The following PDZD8 variants were observed in gnomAD, a reference collection of about 807,000 sequenced individuals.
PDZD8 encodes PDZ domain containing 8.
In PDZD8, 14 loss-of-function variants were observed where a neutral mutation model predicts 85.8. The observed-to-expected ratio is 0.16, with a 90% CI of 0.11 to 0.26. PDZD8 has a LOEUF of 0.26. Among genes scored for constraint, PDZD8 ranks in the 10% least tolerant of loss-of-function variants. The pLI is 1.00. For missense variants in PDZD8, 1,197 were observed against 1,424.3 expected, an observed-to-expected ratio of 0.84 and a Z score of 2.57; for synonymous variants, 592 against 568.6, an observed-to-expected ratio of 1.04 and a Z score of -0.59.
intron 3 of PDZD8, among the ~76,000 whole-genome samples, chr10:117,317,635 G>A (rs754505601): frequency 6.6e-5 from 10 of 152,148 alleles, no homozygotes; most frequent in Non-Finnish European, 1.5e-4. Flanking sequence ...CCAATTCAAA[G>A]TAAACGCAAA....
chr10:117,325,830 C>T (rs1364766421), intron 2 of PDZD8, among the ~76,000 whole-genome samples: 2 of 152,118 alleles, frequency 1.3e-5, no homozygotes, highest in African/African-American at 2.4e-5. Flanking sequence ...CGGTTTGGCT[C>T]CGTTTCCCCA....
At chr10:117,305,493 C>CACAT (rs1843925475) in intron 3 of PDZD8, among the ~76,000 whole-genome samples, 1 of 150,816 alleles carries the variant, frequency 6.6e-6, no homozygotes, top group African/African-American at 2.4e-5. Flanking sequence ...CACACACACA[C>CACAT]ACACACACAC....
chr10:117,283,249 G>C lies in PDZD8; in HGVS notation c.*19C>G, dbSNP rs1844597236. ...GCAACTTTACCCTGTTCATTTGAAA[G>C]CTTAAATAGACCTGTCTGCTACACA... On this transcript the variant is annotated 3_prime_UTR_variant, in exon 5 of 5. Transcript: ENST00000334464. 6.3e-7 allele frequency: 1 copy of C among 1,582,808 alleles called. No homozygotes were observed. Among genetic ancestry groups the C allele is most frequent in the Non-Finnish European group, 8.6e-7 (1 of 1,167,454 alleles).
chr10:117,370,788 T>A (rs571307907), intron 1 of PDZD8, among the ~76,000 whole-genome samples: 4 of 141,164 alleles, frequency 2.8e-5, no homozygotes, highest in Non-Finnish European at 6.0e-5. Context: ...ATGACCAATT[T>A]AAGAAAAAAA....
intron 1 of PDZD8, among the ~76,000 whole-genome samples, chr10:117,350,119 C>A (rs12571779): frequency 0.15 from 22,588 of 151,982 alleles, 1,970 homozygotes; most frequent in East Asian, 0.41. Context: ...GAGATAGGTA[C>A]TATAATCAGC....
At chr10:117,340,037 T>C (rs1844584448) in intron 2 of PDZD8, among the ~76,000 whole-genome samples, 1 of 152,154 alleles carries the variant, frequency 6.6e-6, no homozygotes, top group African/African-American at 2.4e-5. Context: ...ATATGAAGGC[T>C]AGTATAGTAA....
rs1844523161 is a variant in PDZD8, at chr10:117,277,978, A to G, written c.*5290T>C. 1.3e-5 allele frequency: 2 copies of G among 152,242 alleles called. No homozygotes were observed. Among genetic ancestry groups the G allele is most frequent in the South Asian group, 4.1e-4 (2 of 4,834 alleles). 9.4% of individuals were successfully genotyped at this position (152,242 alleles called of 1,614,324 possible). A position where few individuals can be genotyped will look rare whatever the true frequency, so the allele number is the denominator to read the frequency against. On this transcript the variant is annotated 3_prime_UTR_variant, in exon 5 of 5. Transcript: ENST00000334464. ...AAGGAAAAACAGTAAATGTTCCGAA[A>G]GCAGAGAAAAGCAACCAAACATATT...
Position 117,281,322 on chromosome 10 carries a change from C to T in PDZD8, c.*1946G>A, listed in dbSNP as rs1170927335. 8.1e-6 allele frequency: 1 copy of T among 123,842 alleles called. No homozygotes were observed. The highest frequency in any genetic ancestry group is 1.0e-4 in the Admixed American group (1 of 10,020). The allele number at this position is 123,842 out of a possible 1,614,324, so 7.7% of individuals were successfully genotyped here. ...TGAGCCGAGATCATGCCACTGCACT[C>T]CAGCCTGGGAGACAGCGAGACTCTG... On this transcript the variant is annotated 3_prime_UTR_variant, in exon 5 of 5. Coordinates refer to ENST00000334464, the MANE Select transcript of PDZD8 (RefSeq NM_173791.5).
intron 1 of PDZD8, among the ~76,000 whole-genome samples, chr10:117,351,121 T>C (rs1429405687): frequency 6.6e-6 from 1 of 152,180 alleles, no homozygotes; most frequent in Admixed American, 6.5e-5. Flanking sequence ...TTGAAAATTG[T>C]AGTAATATCT....
At chr10:117,339,141 A>AG (rs1844567125) in intron 2 of PDZD8, among the ~76,000 whole-genome samples, 1 of 150,202 alleles carries the variant, frequency 6.7e-6, no homozygotes, top group South Asian at 2.1e-4. Flanking sequence ...AAAAAAAAAA[A>AG]AAAAAAAAAA....
At position 117,366,694 on chromosome 10, in the gene PDZD8, T is replaced by C. The variant is rs117189976; in HGVS notation, c.872+7662A>G. Among the ~76,000 whole-genome samples, 1,155 of 152,226 alleles carry C rather than the reference T, an allele frequency of 7.6e-3. 7 individuals are homozygous for C. Among genetic ancestry groups the C allele is most frequent in the Admixed American group, 0.014 (209 of 15,282 alleles). ...AATGCAGGGGCCTAACAGCAGCTAG[T>C]TTGCAGACCCCTGATTTAGAGTAAC... is the stretch of plus-strand genomic sequence containing the variant. On this transcript the variant is annotated intron_variant, in intron 1 of 4. Transcript: ENST00000334464.
rs1487265426 is a variant in PDZD8, at chr10:117,278,887, C to A, written c.*4381G>T. 1 of 152,188 alleles carries A rather than the reference C, an allele frequency of 6.6e-6. No individual in the cohort carries two copies. The highest frequency in any genetic ancestry group is 2.4e-5 in the African/African-American group (1 of 41,442). 9.4% of individuals were successfully genotyped at this position (152,188 alleles called of 1,614,324 possible). On this transcript the variant is annotated 3_prime_UTR_variant, in exon 5 of 5. Transcript: ENST00000334464. ...CTTTGGAAGATGGCTCTGGAGGAAA[C>A]TCTCATATGGCTAAAAAGGCAGGCT...
At chr10:117,368,884 C>G (rs1166087816) in intron 1 of PDZD8, among the ~76,000 whole-genome samples, 3 of 114,398 alleles carry the variant, frequency 2.6e-5, no homozygotes, top group African/African-American at 1.0e-4. Context: ...TTGAGACAGT[C>G]TCACTCTGTT....
At chr10:117,360,708 C>G (rs1844982779) in intron 1 of PDZD8, among the ~76,000 whole-genome samples, 1 of 151,662 alleles carries the variant, frequency 6.6e-6, no homozygotes, top group Non-Finnish European at 1.5e-5. Context: ...ATCCACTCAA[C>G]CTTGTGTCTT....
rs1844824518 is a variant in PDZD8 at position 117,352,637 on chromosome 10, T to A, written c.873-11535A>T. On this transcript the variant is annotated intron_variant, in intron 1 of 4. Coordinates refer to ENST00000334464, the MANE Select transcript of PDZD8 (RefSeq NM_173791.5). ...AAGGGAGGAGGGGAATAATCCATGC[T>A]TTTTGTTACCTATGAGAGGGTGAAG... 2.0e-5 allele frequency among the ~76,000 whole-genome samples: 3 copies of A among 152,210 alleles called. No homozygotes were observed. In the South Asian group the frequency reaches 6.2e-4, roughly 32 times the overall value.
intron 1 of PDZD8, among the ~76,000 whole-genome samples, chr10:117,357,766 C>CAAAAAAAAAAAAAAAAAAAAAAAA (rs767138640): frequency 2.1e-5 from 1 of 47,436 alleles, no homozygotes; most frequent in Non-Finnish European, 3.7e-5. Flanking sequence ...ACTTCATCTC[C>CAAAAAAAAAAAAAAAAAAAAAAAA]AAAAAAAAAA....
intron 3 of PDZD8, among the ~76,000 whole-genome samples, chr10:117,316,797 A>G (rs1483497518): frequency 2.0e-5 from 3 of 152,214 alleles, no homozygotes; most frequent in Non-Finnish European, 4.4e-5. Flanking sequence ...TACTTCTACA[A>G]AGGCAGAAAA....
At position 117,374,424 on chromosome 10, in the gene PDZD8, G is replaced by A; in HGVS notation, c.804C>T (p.Thr268=). Residue 268 remains threonine (T), a synonymous_variant, in exon 1 of 5, where the codon ACC becomes ACT. Transcript: ENST00000334464. The surrounding 1 kb of genome is among the most constrained non-coding windows in gnomAD (Gnocchi z 7.8). ...TCTTGAGCTGGTTGACGATGATGGA[G>A]GTGAGCTGGGGCATGGGCCGCCCTT... ...QFEGRPMPQL[T]SIIVNQLKKI... The A allele has an allele frequency of 1.9e-6, 3 of 1,614,248 alleles. No individual in the cohort carries two copies. The highest frequency in any genetic ancestry group is 2.5e-6 in the Non-Finnish European group (3 of 1,180,038).
rs776150886 is a variant in PDZD8, at chr10:117,277,388, G to A, written c.*5880C>T. The A allele has an allele frequency of 1.7e-5, 9 of 537,022 alleles. No individual in the cohort carries two copies. Among genetic ancestry groups the A allele is most frequent in the Non-Finnish European group, 2.9e-5 (9 of 315,470 alleles). The allele number at this position is 537,022 out of a possible 1,614,324, so 33.3% of individuals were successfully genotyped here. A position where few individuals can be genotyped will look rare whatever the true frequency, so the allele number is the denominator to read the frequency against. On this transcript the variant is annotated 3_prime_UTR_variant, in exon 5 of 5. Transcript: ENST00000334464. ...CCCTGGTGAAAGAGTAAAACCAAAG[G>A]TTATTATTTCCTTTCCATGGTTATG...
Sources: gnomAD v4.1 joint callset for allele counts (sites outside exome capture counted in the v4.1 genomes callset) on GRCh38, gnomAD v4.1.1 for gene constraint, Gnocchi (gnomAD v3.1) non-coding constraint, MANE v1.5 for transcripts, NCBI Gene and HGNC (gene_info 2026-07-23, HGNC 2026-07-21) for gene names.